EPM2A: variants seen among roughly 807,000 people sequenced by gnomAD.
EPM2A encodes laforin.
A neutral mutation model predicts 26.5 loss-of-function variants in EPM2A; 21 were observed. The observed-to-expected ratio is 0.79, with a 90% CI of 0.56 to 1.14. The LOEUF is 1.14. EPM2A is among the 50% of genes most tolerant of loss of function. The pLI is 0.00. For synonymous variants in EPM2A, 217 were observed against 177.6 expected (o/e 1.22, Z -1.76); for missense variants, 458 against 440.8 (o/e 1.04, Z -0.35).
intron 1 of EPM2A, among the ~76,000 whole-genome samples, chr6:145,714,302 C>T (rs1775496743): frequency 6.6e-6 from 1 of 152,206 alleles, no homozygotes; most frequent in Non-Finnish European, 1.5e-5. Context: ...ACACATCCTC[C>T]TGTATGCAGT....
At chr6:145,674,025 CACCT>C (rs1254621136) in intron 2 of EPM2A, among the ~76,000 whole-genome samples, 2 of 152,198 alleles carry the variant, frequency 1.3e-5, no homozygotes, top group African/African-American at 4.8e-5. Context: ...AACAGGGAGA[CACCT>C]ACCAGTAGGG....
At chr6:145,731,309 C>A (rs1175560816) in intron 1 of EPM2A, among the ~76,000 whole-genome samples, 2 of 152,062 alleles carry the variant, frequency 1.3e-5, no homozygotes, top group African/African-American at 4.8e-5. Flanking sequence ...AACAGAAAAC[C>A]ACCACAGCTA....
At chr6:145,728,622 T>C (rs1776330411) in intron 1 of EPM2A, among the ~76,000 whole-genome samples, 1 of 152,218 alleles carries the variant, frequency 6.6e-6, no homozygotes, top group African/African-American at 2.4e-5. Flanking sequence ...TGGCTGCTTC[T>C]AACAGCATAT....
intron 2 of EPM2A, among the ~76,000 whole-genome samples, chr6:145,549,604 T>C (rs532468709): frequency 2.6e-5 from 4 of 152,144 alleles, no homozygotes; most frequent in Non-Finnish European, 4.4e-5. Flanking sequence ...AACGCTGATA[T>C]TATAAAACAT....
At chr6:145,410,516 A>T (rs942431634) in intron 4 of EPM2A, among the ~76,000 whole-genome samples, 4 of 152,236 alleles carry the variant, frequency 2.6e-5, no homozygotes, top group Admixed American at 2.0e-4. Flanking sequence ...TTTAAATTTG[A>T]AGGGATAAAG....
At position 145,554,351 on chromosome 6, in the gene EPM2A, G is replaced by A. The variant is rs115650338; in HGVS notation, c.341-51776C>T. ...ACCTGACCTGAAGCTCTGTATTAGT[G>A]AGGATCTTCCTGAAAAACAGAACCA... On this transcript the variant is annotated intron_variant, in intron 2 of 3. Coordinates refer to the EPM2A transcript ENST00000450221. Among the ~76,000 whole-genome samples the A allele has an allele frequency of 5.0e-3, 755 of 151,876 alleles. 4 individuals carry two copies. The highest frequency in any genetic ancestry group is 0.018 in the African/African-American group (735 of 41,426).
intron 3 of EPM2A, chr6:145,631,071 T>C (rs1157929768): frequency 6.6e-6 from 1 of 152,212 alleles, no homozygotes; most frequent in East Asian, 1.9e-4. Flanking sequence ...CCCATGCTGC[T>C]GCTCTTACCC....
intron 2 of EPM2A, among the ~76,000 whole-genome samples, chr6:145,655,198 A>C (rs971761865): frequency 1.3e-5 from 2 of 152,150 alleles, no homozygotes; most frequent in African/African-American, 2.4e-5. Context: ...AAAAAAAAAA[A>C]AAACAGGATT....
At chr6:145,434,287 G>C (rs1377442210) in intron 4 of EPM2A, among the ~76,000 whole-genome samples, 1 of 147,162 alleles carries the variant, frequency 6.8e-6, no homozygotes, top group African/African-American at 2.5e-5. Flanking sequence ...TTTAGACAGG[G>C]TCTCCTTCTG....
chr6:145,419,977 G>A (rs2114682534), intron 4 of EPM2A, among the ~76,000 whole-genome samples: 1 of 152,160 alleles, frequency 6.6e-6, no homozygotes, highest in Non-Finnish European at 1.5e-5. Flanking sequence ...CTGTCATTTA[G>A]TTTTTTGCAT....
At chr6:145,506,690 G>T (rs79040786) in intron 2 of EPM2A, among the ~76,000 whole-genome samples, 1 of 152,182 alleles carries the variant, frequency 6.6e-6, no homozygotes, top group Non-Finnish European at 1.5e-5. Flanking sequence ...GTAAGCAGAG[G>T]TTGTATCTGG....
intron 2 of EPM2A, among the ~76,000 whole-genome samples, chr6:145,581,618 T>C (rs1457287952): frequency 1.3e-5 from 2 of 152,182 alleles, no homozygotes; most frequent in Non-Finnish European, 2.9e-5. Flanking sequence ...TAGTGTTTAT[T>C]CAGTTTTAGG....
At chr6:145,439,482 T>A (rs1779033869) in intron 4 of EPM2A, among the ~76,000 whole-genome samples, 1 of 152,178 alleles carries the variant, frequency 6.6e-6, no homozygotes, top group Non-Finnish European at 1.5e-5. Flanking sequence ...TTATTATTAT[T>A]TTTTTACTTT....
At chr6:145,472,295 CCTGAGACTTG>C (rs908598519) in intron 4 of EPM2A, among the ~76,000 whole-genome samples, 5 of 151,686 alleles carry the variant, frequency 3.3e-5, no homozygotes, top group African/African-American at 1.2e-4. Context: ...CTGGTGAGCC[CCTGAGACTTG>C]CTGGCTTCAG....
intron 4 of EPM2A, among the ~76,000 whole-genome samples, chr6:145,476,999 A>G (rs1054107082): frequency 1.3e-5 from 2 of 151,962 alleles, no homozygotes; most frequent in Non-Finnish European, 2.9e-5. Flanking sequence ...ACATCAATGC[A>G]ACAAAAAATT....
chr6:145,416,830 G>A (rs12195530), intron 4 of EPM2A, among the ~76,000 whole-genome samples: 18,196 of 150,940 alleles, frequency 0.12, 1,154 homozygotes, highest in South Asian at 0.24. Flanking sequence ...GGTGATTTAT[G>A]TTTAGGGGGT....
chr6:145,625,571 T>A lies in EPM2A; in HGVS notation c.*1845A>T, dbSNP rs1775746601. The A allele has an allele frequency of 1.6e-6, 1 of 643,190 alleles. No individual in the cohort carries two copies. The highest frequency in any genetic ancestry group is 1.8e-5 in the South Asian group (1 of 54,094). The allele number at this position is 643,190 out of a possible 1,614,324, so 39.8% of individuals were successfully genotyped here. On this transcript the variant is annotated 3_prime_UTR_variant, in exon 4 of 4. Coordinates refer to ENST00000367519, the MANE Select transcript of EPM2A (RefSeq NM_005670.4). ...AAAAATTTAATTTTTAAGATTAAATTTTCACAACACATTATGACTGTAAAT... is the reference window on the plus strand; with the variant it reads ...AAAAATTTAATTTTTAAGATTAAATATTCACAACACATTATGACTGTAAAT...
At chr6:145,479,523 A>C (rs1779587305) in intron 4 of EPM2A, among the ~76,000 whole-genome samples, 1 of 151,942 alleles carries the variant, frequency 6.6e-6, no homozygotes, top group African/African-American at 2.4e-5. Flanking sequence ...GGAATCATAC[A>C]ACATAGGTCC....
At chr6:145,542,023 G>A (rs1242538021) in intron 2 of EPM2A, among the ~76,000 whole-genome samples, 2 of 151,250 alleles carry the variant, frequency 1.3e-5, no homozygotes, top group African/African-American at 4.9e-5. Flanking sequence ...TTGTTTGAAA[G>A]GAATTGGAGA....
Sources: gnomAD v4.1 joint callset for allele counts (sites outside exome capture counted in the v4.1 genomes callset) on GRCh38, gnomAD v4.1.1 for gene constraint, MANE v1.5 for transcripts, NCBI Gene and HGNC (gene_info 2026-07-23, HGNC 2026-07-21) for gene names.